RBFOX1: variants seen among roughly 807,000 people sequenced by gnomAD.
RBFOX1 encodes RNA binding fox-1 homolog 1, also known as RNA binding protein fox-1 homolog 1.
RBFOX1 carries 8 observed loss-of-function variants against 57.7 expected under a neutral mutation model. The observed-to-expected ratio is 0.14, with a 90% CI of 0.08 to 0.25. The LOEUF (loss-of-function observed/expected upper bound fraction) is 0.25, where lower values mean the gene tolerates loss of function less well. RBFOX1 is among the 10% of genes least tolerant of loss of function. The pLI is 1.00. For synonymous variants in RBFOX1, 326 were observed against 222.4 expected (o/e 1.47, Z -4.15); for missense variants, 611 against 548.5 (o/e 1.11, Z -1.14).
intron 4 of RBFOX1, among the ~76,000 whole-genome samples, chr16:7,294,698 G>A (rs554387755): frequency 3.9e-5 from 6 of 152,166 alleles, no homozygotes; most frequent in Non-Finnish European, 5.9e-5. Flanking sequence ...GAAAAAGAAA[G>A]CTTGAAGATA....
intron 3 of RBFOX1, among the ~76,000 whole-genome samples, chr16:6,937,158 T>C (rs1446339736): frequency 2.6e-5 from 4 of 152,080 alleles, no homozygotes; most frequent in Non-Finnish European, 5.9e-5. Flanking sequence ...TTATCAAAAA[T>C]GATATTTTTT....
intron 3 of RBFOX1, among the ~76,000 whole-genome samples, chr16:6,719,430 T>A (rs553906218): frequency 6.7e-6 from 1 of 148,354 alleles, no homozygotes; most frequent in South Asian, 2.1e-4. Context: ...AGTTTCCTCA[T>A]CTTCAAAATA....
At chr16:6,827,812 C>T (rs192475376) in intron 3 of RBFOX1, among the ~76,000 whole-genome samples, 1 of 152,342 alleles carries the variant, frequency 6.6e-6, no homozygotes, top group African/African-American at 2.4e-5. Flanking sequence ...AGCTTCGCTT[C>T]TGCAGGAATG....
chr16:5,653,303 G>T (rs12932137), intron 3 of RBFOX1, among the ~76,000 whole-genome samples: 175 of 92,370 alleles, frequency 1.9e-3, no homozygotes, highest in Middle Eastern at 0.015. Context: ...CTGGGCTTCA[G>T]TGCAGAAGGT....
chr16:6,651,975 A>T (rs1263281704), intron 2 of RBFOX1, among the ~76,000 whole-genome samples: 1 of 152,228 alleles, frequency 6.6e-6, no homozygotes, highest in African/African-American at 2.4e-5. Context: ...CAGAAGGACA[A>T]ATGTTGTATG....
intron 4 of RBFOX1, among the ~76,000 whole-genome samples, chr16:7,289,664 C>T (rs139201385): frequency 6.7e-4 from 102 of 152,276 alleles, no homozygotes; most frequent in African/African-American, 2.3e-3. Flanking sequence ...ACCACCCCCA[C>T]CATCATCATT....
intron 5 of RBFOX1, among the ~76,000 whole-genome samples, chr16:7,527,124 C>T (rs1383811810): frequency 2.0e-5 from 3 of 152,154 alleles, no homozygotes; most frequent in Non-Finnish European, 4.4e-5. Flanking sequence ...ATTGTCTTTT[C>T]GGATGACAGT....
At chr16:6,184,048 G>A (rs2097088679) in intron 1 of RBFOX1, among the ~76,000 whole-genome samples, 1 of 152,184 alleles carries the variant, frequency 6.6e-6, no homozygotes, top group African/African-American at 2.4e-5. Flanking sequence ...CAAAAGGCAT[G>A]TTTTACATGG....
At chr16:6,652,234 A>G (rs1050149300) in intron 2 of RBFOX1, among the ~76,000 whole-genome samples, 3 of 152,134 alleles carry the variant, frequency 2.0e-5, no homozygotes, top group Non-Finnish European at 2.9e-5. Context: ...GCAGATCACT[A>G]GGTCAAGAGA....
intron 2 of RBFOX1, among the ~76,000 whole-genome samples, chr16:5,516,201 G>C (rs1392360682): frequency 6.6e-6 from 1 of 152,168 alleles, no homozygotes; most frequent in East Asian, 1.9e-4. Context: ...AAATGAATAG[G>C]CTGTAAAATC....
At chr16:6,014,979 C>T (rs2094984663), upstream of RBFOX1, among the ~76,000 whole-genome samples, 1 of 151,930 alleles carries the variant, frequency 6.6e-6, no homozygotes, top group South Asian at 2.1e-4. Flanking sequence ...CCTCAGCCTC[C>T]CAAGTAGCTG....
intron 5 of RBFOX1, among the ~76,000 whole-genome samples, chr16:7,523,636 A>G (rs2078008024): frequency 6.6e-6 from 1 of 152,198 alleles, no homozygotes; most frequent in African/African-American, 2.4e-5. Context: ...AAAGACAGCC[A>G]TTAGGGGCTG....
chr16:6,351,372 A>ATTTTTTTT (rs761394862), intron 2 of RBFOX1, among the ~76,000 whole-genome samples: 4 of 86,432 alleles, frequency 4.6e-5, no homozygotes, highest in African/African-American at 2.0e-4. Flanking sequence ...ATATATATAT[A>ATTTTTTTT]TTTTTTTTTT....
chr16:6,295,034 A>G (rs991540442), intron 1 of RBFOX1, among the ~76,000 whole-genome samples: 1 of 150,012 alleles, frequency 6.7e-6, no homozygotes, highest in East Asian at 2.0e-4. Context: ...TTTTTCCACT[A>G]TACTCTCTTT....
chr16:5,470,430 G>C (rs571795773), intron 2 of RBFOX1, among the ~76,000 whole-genome samples: 1 of 152,154 alleles, frequency 6.6e-6, no homozygotes, highest in Non-Finnish European at 1.5e-5. Context: ...ATTTGATTGC[G>C]TTGGTTTGTT....
chr16:6,327,492 ATTTACAGTCAG>A (rs2082511234), intron 2 of RBFOX1, among the ~76,000 whole-genome samples: 1 of 152,012 alleles, frequency 6.6e-6, no homozygotes, highest in African/African-American at 2.4e-5. Context: ...GGATTTGCTC[ATTTACAGTCAG>A]TTCGTTGTAT....
chr16:7,246,969 C>T (rs142667783), intron 4 of RBFOX1, among the ~76,000 whole-genome samples: 98 of 152,218 alleles, frequency 6.4e-4, no homozygotes, highest in African/African-American at 2.3e-3. Flanking sequence ...CATTAGGATA[C>T]CCTATGTATT....
intron 4 of RBFOX1, among the ~76,000 whole-genome samples, chr16:7,350,457 C>T (rs1478948031): frequency 1.3e-5 from 2 of 152,040 alleles, no homozygotes; most frequent in East Asian, 3.9e-4. Context: ...GCATTGCAGG[C>T]AGTTTAGATT....
intron 4 of RBFOX1, among the ~76,000 whole-genome samples, chr16:7,390,704 A>G (rs1389644416): frequency 2.6e-5 from 4 of 152,206 alleles, no homozygotes; most frequent in Admixed American, 6.5e-5. Context: ...GTCTCTTTAC[A>G]GAGGAATTAG....
Sources: gnomAD v4.1 joint callset for allele counts (sites outside exome capture counted in the v4.1 genomes callset) on GRCh38, gnomAD v4.1.1 for gene constraint, MANE v1.5 for transcripts, NCBI Gene and HGNC (gene_info 2026-07-23, HGNC 2026-07-21) for gene names.